DMD: variants seen among roughly 807,000 people sequenced by gnomAD.
The protein encoded by DMD is dystrophin, also known as mutant dystrophin.
Under a neutral mutation model 330.1 loss-of-function variants are expected in DMD, and 63 were observed. That is an observed-to-expected ratio of 0.19 (90% CI 0.16 to 0.24). The LOEUF (loss-of-function observed/expected upper bound fraction) is 0.24, where lower values mean the gene tolerates loss of function less well. Among genes scored for constraint, DMD ranks in the 10% least tolerant of loss-of-function variants. The probability of loss-of-function intolerance (pLI) is 1.00; values close to 1 mark genes in which losing one functional copy is unlikely to be tolerated. For missense variants in DMD, 3,344 were observed against 2,684.1 expected (o/e 1.25, Z -5.43); for synonymous variants, 1,223 against 959.8 (o/e 1.27, Z -5.07).
chrX:31,560,189 T>C (rs766396315), intron 55 of DMD, among the ~76,000 whole-genome samples: 5 of 111,959 alleles, frequency 4.5e-5, no homozygotes, highest in Non-Finnish European at 7.5e-5. Context: ...CATGCAGATC[T>C]TTTGGGGATC....
intron 1 of DMD, among the ~76,000 whole-genome samples, chrX:33,324,740 A>T (rs1004259442): frequency 9.0e-6 from 1 of 111,714 alleles, no homozygotes; most frequent in Non-Finnish European, 1.9e-5. Flanking sequence ...TATATTAAAG[A>T]TTGTCAATGT....
At chrX:31,409,924 T>C (rs888509423) in intron 60 of DMD, among the ~76,000 whole-genome samples, 4 of 111,738 alleles carry the variant, frequency 3.6e-5, no homozygotes, top group Non-Finnish European at 7.5e-5. Flanking sequence ...GTTCCAGAGA[T>C]TGTCCTGCCT....
At chrX:33,008,793 C>CGTATATACACATATATATGT (rs2093452887) in intron 2 of DMD, among the ~76,000 whole-genome samples, 1 of 58,152 alleles carries the variant, frequency 1.7e-5, no homozygotes, top group African/African-American at 7.2e-5. Flanking sequence ...ACTATATATA[C>CGTATATACACATATATATGT]GTATATATAC....
intron 4 of DMD, among the ~76,000 whole-genome samples, chrX:32,836,198 AT>A (rs200071842): frequency 0.32 from 32,939 of 101,496 alleles, 4,606 homozygotes; most frequent in South Asian, 0.43. Context: ...CACCCGTCTA[AT>A]TTTTTTTTTT....
chrX:32,684,018 TACACACACACACACAC>T lies in DMD; in HGVS notation c.960+13836_960+13851del, dbSNP rs369735561. Among the ~76,000 whole-genome samples the T allele has an allele frequency of 6.2e-4, 44 of 70,930 alleles. 1 individual carries two copies. The highest frequency in any genetic ancestry group is 3.2e-3 in the African/African-American group (37 of 11,557). The allele number at this position is 70,930 out of a possible 115,157, so 61.6% of individuals were successfully genotyped here. ...CAAAACACACACACACACACATACA[TACACACACACACACAC>T]ACACACACACACACACACACAGTGT... On this transcript the variant is annotated intron_variant, in intron 9 of 78. Transcript: ENST00000357033.
chrX:32,920,414 T>A (rs2088277465), intron 2 of DMD, among the ~76,000 whole-genome samples: 1 of 111,618 alleles, frequency 9.0e-6, no homozygotes, highest in Non-Finnish European at 1.9e-5. Context: ...TCATTTGCAG[T>A]AAATTGTGAA....
intron 48 of DMD, among the ~76,000 whole-genome samples, chrX:31,862,957 G>T (rs1397082561): frequency 8.9e-6 from 1 of 112,932 alleles, no homozygotes; most frequent in African/African-American, 3.2e-5. Flanking sequence ...GAGACTTCCT[G>T]TTTACAGGAG....
At chrX:32,752,535 A>T (rs1222898294) in intron 7 of DMD, among the ~76,000 whole-genome samples, 1 of 105,935 alleles carries the variant, frequency 9.4e-6, no homozygotes, top group Non-Finnish European at 1.9e-5. Flanking sequence ...AGGCAGAAGG[A>T]AATTGCCTTA....
At chrX:32,182,690 G>T (rs1375661837) in intron 44 of DMD, among the ~76,000 whole-genome samples, 1 of 111,816 alleles carries the variant, frequency 8.9e-6, no homozygotes, top group African/African-American at 3.2e-5. Flanking sequence ...TCCAATAAAT[G>T]AATGAAGCAA....
intron 1 of DMD, among the ~76,000 whole-genome samples, chrX:33,268,907 CAAA>C (rs202219233): frequency 0.062 from 2,678 of 43,219 alleles, 119 homozygotes; most frequent in African/African-American, 0.17. Context: ...GCCTGGGTGA[CAAA>C]AAAAAAAAAA....
At chrX:31,164,690 A>G (rs1381739160) in intron 74 of DMD, among the ~76,000 whole-genome samples, 1 of 110,786 alleles carries the variant, frequency 9.0e-6, no homozygotes, top group Non-Finnish European at 1.9e-5. Context: ...TCGTTCCAGC[A>G]TCGCTCTTTT....
At chrX:32,421,687 C>T (rs2098190437) in intron 29 of DMD, among the ~76,000 whole-genome samples, 1 of 111,840 alleles carries the variant, frequency 8.9e-6, no homozygotes, top group African/African-American at 3.3e-5. Context: ...TATGTCCTCA[C>T]CCCACAATGG....
intron 2 of DMD, among the ~76,000 whole-genome samples, chrX:33,010,202 ATGTGTGTGTATATGTACATATG>A (rs1164677976): frequency 6.4e-5 from 6 of 93,549 alleles, no homozygotes; most frequent in African/African-American, 3.1e-4. Flanking sequence ...ATATATGCAT[ATGTGTGTGTATATGTACATATG>A]TGTGTATATA....
At chrX:31,510,506 C>CTTTTTTTTTTTTTTTTTT (rs756448666) in intron 55 of DMD, among the ~76,000 whole-genome samples, 1 of 84,498 alleles carries the variant, frequency 1.2e-5, no homozygotes, top group Non-Finnish European at 2.2e-5. Context: ...TCTGACTGCT[C>CTTTTTTTTTTTTTTTTTT]TTTTTTTTTT....
chrX:31,159,592 C>T (rs2038566058), intron 74 of DMD, among the ~76,000 whole-genome samples: 1 of 111,443 alleles, frequency 9.0e-6, no homozygotes, highest in African/African-American at 3.3e-5. Flanking sequence ...CTTCTTCTTA[C>T]ACAAACTCTC....
At chrX:32,717,270 C>A (rs1603254079) in intron 7 of DMD, among the ~76,000 whole-genome samples, 2 of 111,328 alleles carry the variant, frequency 1.8e-5, no homozygotes, top group Non-Finnish European at 3.8e-5. Flanking sequence ...TTTCGGAGGC[C>A]AGGCCTAGGG....
At chrX:31,283,020 C>G (rs2052740454) in intron 62 of DMD, among the ~76,000 whole-genome samples, 1 of 111,373 alleles carries the variant, frequency 9.0e-6, no homozygotes, top group African/African-American at 3.3e-5. Flanking sequence ...TGTGTCAACT[C>G]ATTTTTTCAA....
intron 4 of DMD, among the ~76,000 whole-genome samples, chrX:32,826,342 T>G (rs987581759): frequency 8.9e-6 from 1 of 111,989 alleles, no homozygotes; most frequent in East Asian, 2.8e-4. Context: ...GGGTATATAT[T>G]CCAAAGGAAA....
intron 52 of DMD, among the ~76,000 whole-genome samples, chrX:31,691,564 A>G (rs113325136): frequency 8.9e-5 from 10 of 112,050 alleles, no homozygotes; most frequent in African/African-American, 3.2e-4. Flanking sequence ...TTCACCTTAA[A>G]GGACATGCAT....
Sources: allele counts gnomAD v4.1 joint callset (sites outside exome capture counted in the v4.1 genomes callset), GRCh38; gene constraint gnomAD v4.1.1; transcripts MANE v1.5; gene names NCBI Gene and HGNC (gene_info 2026-07-23, HGNC 2026-07-21).